The following SLIT3 variants were observed in gnomAD, a reference collection of about 807,000 sequenced individuals.
SLIT3 encodes slit guidance ligand 3.
A neutral mutation model predicts 184.0 loss-of-function variants in SLIT3; 68 were observed. The ratio of observed to expected loss-of-function variants is 0.37; its 90% CI spans 0.30 to 0.45. SLIT3 has a LOEUF of 0.45. SLIT3 is among the 20% of genes least tolerant of loss of function. The probability of loss-of-function intolerance (pLI) is 1.00; values close to 1 mark genes in which losing one functional copy is unlikely to be tolerated. For missense variants in SLIT3, 1,707 were observed against 2,026.0 expected (o/e 0.84, Z 3.02); for synonymous variants, 831 against 828.6 (o/e 1.00, Z -0.05).
intron 4 of SLIT3, among the ~76,000 whole-genome samples, chr5:169,071,978 G>A (rs1293090069): frequency 2.6e-5 from 4 of 152,154 alleles, no homozygotes; most frequent in Non-Finnish European, 5.9e-5. Context: ...TTGCTTGGAT[G>A]TAAGTTGGCT....
chr5:168,741,456 G>GCTGT (rs1399524987), intron 20 of SLIT3, among the ~76,000 whole-genome samples: 1 of 128,676 alleles, frequency 7.8e-6, no homozygotes, highest in Non-Finnish European at 1.5e-5. Flanking sequence ...TCCAGCCTGG[G>GCTGT]CGACAGAGCA....
At chr5:168,805,266 T>C (rs1474085710) in intron 9 of SLIT3, among the ~76,000 whole-genome samples, 2 of 151,194 alleles carry the variant, frequency 1.3e-5, no homozygotes, top group African/African-American at 4.9e-5. Flanking sequence ...GAGTCAATGG[T>C]CATCAATTGG....
At chr5:169,172,534 T>G (rs1363775415) in intron 4 of SLIT3, among the ~76,000 whole-genome samples, 1 of 152,232 alleles carries the variant, frequency 6.6e-6, no homozygotes, top group Non-Finnish European at 1.5e-5. Flanking sequence ...CCATACATCC[T>G]TTAGCACAAC....
intron 5 of SLIT3, among the ~76,000 whole-genome samples, chr5:168,872,640 C>CT (rs774066150): frequency 0.071 from 8,008 of 112,262 alleles, 882 homozygotes; most frequent in African/African-American, 0.23. Context: ...TCTTCTTCTT[C>CT]TTTTTTTTTT....
At chr5:168,739,369 C>A (rs1182973750) in intron 20 of SLIT3, among the ~76,000 whole-genome samples, 2 of 152,204 alleles carry the variant, frequency 1.3e-5, no homozygotes, top group South Asian at 4.1e-4. Flanking sequence ...AAGAAGAACA[C>A]CCATAATTAC....
At chr5:169,267,639 G>T (rs553529672) in intron 1 of SLIT3, among the ~76,000 whole-genome samples, 1 of 152,308 alleles carries the variant, frequency 6.6e-6, no homozygotes, top group Non-Finnish European at 1.5e-5. Context: ...GTGAGTTAAA[G>T]GGGAAGTCAT....
intron 4 of SLIT3, among the ~76,000 whole-genome samples, chr5:168,968,428 C>T (rs1763289601): frequency 6.6e-6 from 1 of 152,224 alleles, no homozygotes; most frequent in Non-Finnish European, 1.5e-5. Flanking sequence ...CCTTGGCAGA[C>T]ACCACTCTTC....
At chr5:168,999,841 C>T (rs563566697) in intron 4 of SLIT3, among the ~76,000 whole-genome samples, 5 of 152,260 alleles carry the variant, frequency 3.3e-5, no homozygotes, top group South Asian at 2.1e-4. Flanking sequence ...AGCTTTTGCA[C>T]GGGAAGACCC....
chr5:168,690,891 C>T (rs755953238), intron 29 of SLIT3, among the ~76,000 whole-genome samples: 6 of 152,186 alleles, frequency 3.9e-5, no homozygotes, highest in Non-Finnish European at 5.9e-5. Flanking sequence ...AAGACATGCT[C>T]ATGTCTGCTT....
At chr5:168,734,928 G>A (rs1213444020) in intron 20 of SLIT3, among the ~76,000 whole-genome samples, 1 of 152,168 alleles carries the variant, frequency 6.6e-6, no homozygotes, top group African/African-American at 2.4e-5. Context: ...TGTCCCCGGC[G>A]ACCTGGCAGC....
intron 1 of SLIT3, among the ~76,000 whole-genome samples, chr5:169,279,861 C>A (rs1766937278): frequency 6.6e-6 from 1 of 152,196 alleles, no homozygotes; most frequent in South Asian, 2.1e-4. Context: ...ATAGTACCCA[C>A]CTCACAGAAT....
intron 4 of SLIT3, among the ~76,000 whole-genome samples, chr5:169,139,405 C>T (rs553953434): frequency 1.3e-5 from 2 of 152,212 alleles, no homozygotes; most frequent in African/African-American, 2.4e-5. Context: ...GTGATGTTAT[C>T]TAATCCTTAC....
intron 4 of SLIT3, among the ~76,000 whole-genome samples, chr5:169,129,256 T>C (rs779749572): frequency 6.6e-6 from 1 of 152,136 alleles, no homozygotes; most frequent in Non-Finnish European, 1.5e-5. Context: ...GATACTTATA[T>C]TGATAGTTCT....
At chr5:169,260,337 T>C (rs1766119283) in intron 1 of SLIT3, among the ~76,000 whole-genome samples, 1 of 152,128 alleles carries the variant, frequency 6.6e-6, no homozygotes, top group African/African-American at 2.4e-5. Context: ...ATGCACTCAC[T>C]ACGCTTTCCA....
intron 8 of SLIT3, among the ~76,000 whole-genome samples, chr5:168,807,110 T>C (rs1021394736): frequency 1.3e-5 from 2 of 152,180 alleles, no homozygotes; most frequent in Non-Finnish European, 2.9e-5. Context: ...CATTTCCAAA[T>C]GGCTTCTTTG....
chr5:169,295,344 G>A (rs910863149), intron 1 of SLIT3, among the ~76,000 whole-genome samples: 3 of 152,250 alleles, frequency 2.0e-5, no homozygotes, highest in African/African-American at 7.2e-5. Context: ...ATATTTTACA[G>A]TTAAGAAATC....
At chr5:168,963,116 A>G (rs1162257390) in intron 4 of SLIT3, among the ~76,000 whole-genome samples, 1 of 152,150 alleles carries the variant, frequency 6.6e-6, no homozygotes, top group East Asian at 1.9e-4. Flanking sequence ...GGCCAATCTG[A>G]TCCCACTCCC....
intron 4 of SLIT3, among the ~76,000 whole-genome samples, chr5:169,126,925 G>A (rs1761100481): frequency 1.1e-5 from 1 of 90,956 alleles, no homozygotes; most frequent in Admixed American, 9.9e-5. Flanking sequence ...GATCCACTGG[G>A]AGTCATCAGG....
intron 4 of SLIT3, among the ~76,000 whole-genome samples, chr5:169,006,986 C>T (rs377160109): frequency 1.3e-5 from 2 of 152,092 alleles, no homozygotes; most frequent in East Asian, 3.9e-4. Flanking sequence ...TGTCCCCACC[C>T]AAGTCTCATT....
Sources: gnomAD v4.1 joint callset for allele counts (sites outside exome capture counted in the v4.1 genomes callset) on GRCh38, gnomAD v4.1.1 for gene constraint, MANE v1.5 for transcripts, NCBI Gene and HGNC (gene_info 2026-07-23, HGNC 2026-07-21) for gene names.